Variants in SLC28A1 observed in about 807,000 individuals in gnomAD.
SLC28A1 encodes sodium/nucleoside cotransporter 1.
A neutral mutation model predicts 74.8 loss-of-function variants in SLC28A1; 64 were observed. The ratio of observed to expected loss-of-function variants is 0.86; its 90% CI spans 0.70 to 1.05. The LOEUF is 1.05. Ranked by LOEUF, SLC28A1 falls within the 50% of genes least tolerant of loss-of-function variation. SLC28A1 has a pLI of 0.00. For missense variants in SLC28A1, 828 were observed against 822.8 expected, an observed-to-expected ratio of 1.01 and a Z score of -0.08; for synonymous variants, 359 against 335.0, an observed-to-expected ratio of 1.07 and a Z score of -0.78.
chr15:84,974,790 G>A, the SLC28A1 span, among the ~76,000 whole-genome samples: 1 of 152,108 alleles, frequency 6.6e-6, no homozygotes, highest in African/African-American at 2.4e-5. Flanking sequence ...TCGGTGTGTT[G>A]GGGAGTCGGG....
intron 6 of SLC28A1, chr15:84,895,412 C>T (rs1411891197): frequency 1.9e-6 from 3 of 1,613,960 alleles, no homozygotes; most frequent in East Asian, 2.2e-5. Flanking sequence ...GGGCCCGAAT[C>T]AGTACCTCCC....
In SLC28A1 at chr15:84,892,629, A is replaced by G. The variant is rs536412704; in HGVS notation, c.277+2095A>G. Among the ~76,000 whole-genome samples, 16 of 152,164 alleles carry G rather than the reference A, an allele frequency of 1.1e-4. No homozygotes were observed. In the South Asian group the frequency reaches 3.3e-3, roughly 32 times the overall value. Reference sequence around the variant, plus strand: ...CTTTCTCTGTTTCTGGGTGACTTTGATTTCTCTGGCTTTTCAATATCTTTA... The same window carrying G: ...CTTTCTCTGTTTCTGGGTGACTTTGGTTTCTCTGGCTTTTCAATATCTTTA... On this transcript the variant is annotated intron_variant, in intron 5 of 18. Transcript: ENST00000394573.
At chr15:84,960,712 G>A in the SLC28A1 span, among the ~76,000 whole-genome samples, 4 of 152,260 alleles carry the variant, frequency 2.6e-5, no homozygotes, top group East Asian at 1.9e-4. Flanking sequence ...CTTCGCCCTC[G>A]CTTTTGCAGT....
In SLC28A1 at chr15:84,889,097, A is replaced by G. The variant is rs116714625; in HGVS notation, c.185+237A>G. Among the ~76,000 whole-genome samples, 891 of 152,186 alleles carry G rather than the reference A, an allele frequency of 5.9e-3. 4 individuals carry two copies. The highest frequency in any genetic ancestry group is 0.02 in the Middle Eastern group (6 of 294). On this transcript the variant is annotated intron_variant, in intron 4 of 18. Transcript: ENST00000394573. ...ACGAAATCCCATCAGGAACCCCAGT[A>G]TGTACCGTGGGGCCTGCCCTGAACC...
At chr15:84,950,477 A>G (rs1039897522), downstream of SLC28A1, among the ~76,000 whole-genome samples, 2 of 151,172 alleles carry the variant, frequency 1.3e-5, no homozygotes, top group African/African-American at 4.9e-5. Context: ...TAATCCCAAC[A>G]CTTTGGGAGG....
Position 84,944,583 on chromosome 15 carries a change from C to A in SLC28A1, c.1681C>A (p.Arg561=). The A allele has an allele frequency of 1.9e-6, 3 of 1,613,600 alleles. No homozygotes were observed. Among genetic ancestry groups the A allele is most frequent in the Admixed American group, 3.3e-5 (2 of 60,032 alleles). Residue 561 remains arginine, a synonymous_variant, in exon 17 of 19, where the codon CGG becomes AGG. Transcript: ENST00000394573. ...LGGLTSMVPQ[R]KSDFSQIVLR... ...CCTTGCAGCCTCCATGGTCCCCCAA[C>A]GGAAGAGCGACTTCTCCCAGATAGT...
chr15:84,895,230 T>C (rs1965853963), intron 6 of SLC28A1, 107 bp downstream of exon 6: 1 of 1,577,778 alleles, frequency 6.3e-7, no homozygotes, highest in South Asian at 1.1e-5. Context: ...CTCTGTGTCA[T>C]GGAGAACTCT....
intron 1 of SLC28A1, chr15:84,886,377 A>G (rs12592396): frequency 0.95 from 939,324 of 984,994 alleles, 448,299 homozygotes; most frequent in Admixed American, 0.96. Flanking sequence ...GGCCATGGGA[A>G]GGAAGGAGGG....
rs764101004 is a variant in SLC28A1, at chr15:84,912,806, G to GCGCGCACA, written c.795+4012_795+4013insGCGCACAC. Among the ~76,000 whole-genome samples, 530 of 112,254 alleles carry GCGCGCACA rather than the reference G, an allele frequency of 4.7e-3. 1 individual carries two copies. Among genetic ancestry groups the GCGCGCACA allele is most frequent in the African/African-American group, 7.0e-3 (211 of 29,970 alleles). 73.6% of individuals were successfully genotyped at this position (112,254 alleles called of 152,430 possible). The stretch of plus-strand genomic sequence containing the variant: ...CAACAGTGCCAAATTTTGCGCGCGC[G>GCGCGCACA]CACACACACACACACACACACACAC... On this transcript the variant is annotated intron_variant, in intron 9 of 18. Transcript: ENST00000394573.
chr15:84,930,308 C>A (rs886616413), intron 12 of SLC28A1, among the ~76,000 whole-genome samples: 4 of 152,196 alleles, frequency 2.6e-5, no homozygotes, highest in African/African-American at 7.2e-5. Context: ...GTCCCAAAGC[C>A]CAGCCCAGAA....
chr15:84,956,468 C>CCTTCTTTCTTTCT, the SLC28A1 span, among the ~76,000 whole-genome samples: 161 of 67,118 alleles, frequency 2.4e-3, no homozygotes, highest in African/African-American at 6.8e-3. Flanking sequence ...TCTTTCTTTC[C>CCTTCTTTCTTTCT]TTCTTTCTTT....
chr15:84,935,790 C>A (rs1870522093), intron 15 of SLC28A1, among the ~76,000 whole-genome samples: 1 of 152,102 alleles, frequency 6.6e-6, no homozygotes, highest in Non-Finnish European at 1.5e-5. Flanking sequence ...TTCACTGTGG[C>A]CTTAGGCCAG....
Position 84,906,508 on chromosome 15 carries a change from GTTTGTTTGTTTGTTTGTTTGTTTCTTTC to G in SLC28A1, c.717+860_717+887del, listed in dbSNP as rs1306917977. 4.4e-4 allele frequency among the ~76,000 whole-genome samples: 24 copies of G among 54,756 alleles called. 1 individual carries two copies. The highest frequency in any genetic ancestry group is 9.1e-3 in the Middle Eastern group (1 of 110). 35.9% of individuals were successfully genotyped at this position (54,756 alleles called of 152,430 possible). On this transcript the variant is annotated intron_variant, in intron 8 of 18. Transcript: ENST00000394573. ...AAGCTAATTAAAACATGGTTTGTTT[GTTTGTTTGTTTGTTTGTTTGTTTCTTTC>G]TTTCTTTCTTTCTTTCTTTCTTTCT... is the stretch of plus-strand genomic sequence containing the variant.
chr15:84,907,766 TC>T (rs1323429206), intron 8 of SLC28A1, among the ~76,000 whole-genome samples: 1 of 152,216 alleles, frequency 6.6e-6, no homozygotes, highest in Non-Finnish European at 1.5e-5. Context: ...AGCTTGCAGT[TC>T]CCTGTGCTCT....
the SLC28A1 span, among the ~76,000 whole-genome samples, chr15:84,954,100 A>G: frequency 6.6e-6 from 1 of 152,246 alleles, no homozygotes; most frequent in Non-Finnish European, 1.5e-5. Context: ...TTTTCCTGAT[A>G]GCTAGTTGTG....
intron 9 of SLC28A1, among the ~76,000 whole-genome samples, chr15:84,910,566 T>C (rs902662458): frequency 2.0e-5 from 3 of 152,076 alleles, no homozygotes; most frequent in Non-Finnish European, 4.4e-5. Context: ...CCATCTCTAC[T>C]AAAAATACAA....
the SLC28A1 span, among the ~76,000 whole-genome samples, chr15:84,958,740 G>A: frequency 6.6e-6 from 1 of 151,978 alleles, no homozygotes; most frequent in Non-Finnish European, 1.5e-5. Flanking sequence ...TTCTTTTATA[G>A]AGATGAGATA....
At chr15:84,897,104 C>G (rs775678221) in intron 6 of SLC28A1, among the ~76,000 whole-genome samples, 28 of 151,660 alleles carry the variant, frequency 1.8e-4, no homozygotes, top group Non-Finnish European at 3.2e-4. Context: ...TGGCCAGGCA[C>G]GGTGGCTCAC....
intron 17 of SLC28A1, 36 bp downstream of exon 17, chr15:84,944,700 C>A (rs1166162508): frequency 2.5e-6 from 4 of 1,594,794 alleles, no homozygotes; most frequent in Non-Finnish European, 3.4e-6. Flanking sequence ...AAGGTGGAAC[C>A]CTGACTTTCT....
Sources: gnomAD v4.1 joint callset for allele counts (sites outside exome capture counted in the v4.1 genomes callset) on GRCh38, gnomAD v4.1.1 for gene constraint, MANE v1.5 for transcripts, NCBI Gene and HGNC (gene_info 2026-07-23, HGNC 2026-07-21) for gene names.